Variants in RAD52 observed in about 807,000 individuals in gnomAD.
The protein encoded by RAD52 is RAD52 DNA repair protein, also known as DNA repair protein RAD52 homolog.
Under a neutral mutation model 55.5 loss-of-function variants are expected in RAD52, and 47 were observed. The ratio of observed to expected loss-of-function variants is 0.85; its 90% CI spans 0.67 to 1.08. RAD52 has a LOEUF of 1.08. Ranked by LOEUF, RAD52 falls within the 50% of genes least tolerant of loss-of-function variation. The pLI is 0.00. For synonymous variants in RAD52, 184 were observed against 198.9 expected (o/e 0.92, Z 0.63); for missense variants, 468 against 522.8 (o/e 0.90, Z 1.02).
Position 912,282 on chromosome 12 carries a change from C to G in RAD52, c.*1109G>C, listed in dbSNP as rs930369445. On this transcript the variant is annotated 3_prime_UTR_variant, in exon 12 of 12. Transcript: ENST00000358495. Reference sequence around the variant, plus strand: ...GACAAGTCGCAAAGCACCAGGCATACAACAGTTTATGCAGCGACCCTAAGA... The same window carrying G: ...GACAAGTCGCAAAGCACCAGGCATAGAACAGTTTATGCAGCGACCCTAAGA... The G allele has an allele frequency of 5.1e-6, 1 of 197,626 alleles. No individual in the cohort carries two copies. Among genetic ancestry groups the G allele is most frequent in the Non-Finnish European group, 1.0e-5 (1 of 95,464 alleles). 12.2% of individuals were successfully genotyped at this position (197,626 alleles called of 1,614,324 possible). A position where few individuals can be genotyped will look rare whatever the true frequency, so the allele number is the denominator to read the frequency against.
At chr12:956,933 T>A (rs1295899815) in intron 1 of RAD52, among the ~76,000 whole-genome samples, 2 of 152,224 alleles carry the variant, frequency 1.3e-5, no homozygotes, top group African/African-American at 4.8e-5. Flanking sequence ...ATTATAGTTA[T>A]TAGATGAGAT....
rs1374558030 is a variant in RAD52 at position 918,666 on chromosome 12, T to TC, written c.544-1847dup. 1.1e-4 allele frequency among the ~76,000 whole-genome samples: 16 copies of TC among 152,266 alleles called. No individual in the cohort carries two copies. In the East Asian group the frequency reaches 3.1e-3, roughly 29 times the overall value. Reference sequence around the variant, plus strand: ...CTCAAGCAATCCTTCTTCCTTGGCCTCTCAAGTGGTGGGATTACAGGAGTG... The same window carrying TC: ...CTCAAGCAATCCTTCTTCCTTGGCCTCCTCAAGTGGTGGGATTACAGGAGTG... On this transcript the variant is annotated intron_variant, in intron 7 of 11. Transcript: ENST00000358495.
intron 1 of RAD52, among the ~76,000 whole-genome samples, chr12:941,476 G>A (rs1180853532): frequency 6.6e-6 from 1 of 151,358 alleles, no homozygotes; most frequent in Non-Finnish European, 1.5e-5. Flanking sequence ...GCGCCACCAT[G>A]CCTGGCAAAT....
chr12:934,066 C>T (rs1327543079), intron 1 of RAD52, among the ~76,000 whole-genome samples: 1 of 148,582 alleles, frequency 6.7e-6, no homozygotes, highest in Admixed American at 6.8e-5. Context: ...CACCCCATCG[C>T]ACTCCAGCCT....
chr12:956,966 T>A (rs1958615509), intron 1 of RAD52, among the ~76,000 whole-genome samples: 1 of 152,202 alleles, frequency 6.6e-6, no homozygotes, highest in Admixed American at 6.5e-5. Flanking sequence ...ATATCTGACA[T>A]TTAATAGATG....
rs201059166 is a variant in RAD52, at chr12:962,274, A to G, written c.-19+27535T>C. On this transcript the variant is annotated intron_variant, in intron 1 of 11. Coordinates refer to the RAD52 transcript ENST00000430095. ...ATTCTAATAAGAGCAGTTTCCTGGA[A>G]GCATGAGTAGAATCGAGAGAATGCA... Among the ~76,000 whole-genome samples the G allele has an allele frequency of 4.1e-4, 62 of 152,262 alleles. No homozygotes were observed. In the East Asian group the frequency reaches 0.011, roughly 27 times the overall value.
At chr12:985,995 C>T (rs1959081518) in intron 1 of RAD52, among the ~76,000 whole-genome samples, 1 of 143,604 alleles carries the variant, frequency 7.0e-6, no homozygotes, top group South Asian at 2.2e-4. Flanking sequence ...AGTGCAATGG[C>T]GCAATCTCAG....
At chr12:946,855 C>T (rs1192021135) in intron 1 of RAD52, among the ~76,000 whole-genome samples, 3 of 152,212 alleles carry the variant, frequency 2.0e-5, no homozygotes, top group Non-Finnish European at 4.4e-5. Context: ...ATTTTTCATA[C>T]ACTCATCTCC....
chr12:922,203 A>AAATC (rs68130693), intron 7 of RAD52, among the ~76,000 whole-genome samples: 2 of 146,626 alleles, frequency 1.4e-5, no homozygotes, highest in Non-Finnish European at 3.0e-5. Context: ...AAAAAAAAAA[A>AAATC]AAAAAAAAAA....
intron 7 of RAD52, among the ~76,000 whole-genome samples, chr12:919,252 C>T (rs1258467855): frequency 6.6e-6 from 1 of 151,952 alleles, no homozygotes; most frequent in Non-Finnish European, 1.5e-5. Flanking sequence ...TTGAGATCAC[C>T]CTGGCCAACA....
chr12:984,542 G>A (rs762188106), intron 1 of RAD52, among the ~76,000 whole-genome samples: 1 of 151,638 alleles, frequency 6.6e-6, no homozygotes, highest in Non-Finnish European at 1.5e-5. Flanking sequence ...TCATATGAAT[G>A]TAATCATATA....
chr12:933,814 T>C (rs1047155096), intron 1 of RAD52, among the ~76,000 whole-genome samples: 1 of 152,164 alleles, frequency 6.6e-6, no homozygotes, highest in African/African-American at 2.4e-5. Flanking sequence ...GCCAACATGA[T>C]GTGTTATAGT....
At position 939,105 on chromosome 12, in the gene RAD52, A is replaced by G. The variant is rs148711132; in HGVS notation, c.-18-6029T>C. On this transcript the variant is annotated intron_variant, in intron 1 of 11. Coordinates refer to ENST00000358495, the MANE Select transcript of RAD52 (RefSeq NM_134424.4). ...GTGTGTAGAGAGAGAGAAAAAGGCA[A>G]GTAGATAAAGCAAAAGTACAAATTT... Among the ~76,000 whole-genome samples the G allele has an allele frequency of 5.0e-3, 609 of 121,052 alleles. 3 individuals carry two copies. The highest frequency in any genetic ancestry group is 8.9e-3 in the Middle Eastern group (2 of 224). The allele number at this position is 121,052 out of a possible 152,430, so 79.4% of individuals were successfully genotyped here. A position where few individuals can be genotyped will look rare whatever the true frequency, so the allele number is the denominator to read the frequency against.
chr12:959,942 T>C (rs1244347679), intron 1 of RAD52, among the ~76,000 whole-genome samples: 1 of 152,154 alleles, frequency 6.6e-6, no homozygotes, highest in Non-Finnish European at 1.5e-5. Context: ...ATTTTAACAC[T>C]GGGCACAGCA....
At chr12:954,136 G>T (rs558061717), upstream of RAD52, among the ~76,000 whole-genome samples, 3 of 152,200 alleles carry the variant, frequency 2.0e-5, no homozygotes, top group South Asian at 6.2e-4. Flanking sequence ...TGGTTTTCTG[G>T]TTTTTTAATT....
chr12:923,956 G>A (rs575955641), intron 7 of RAD52, among the ~76,000 whole-genome samples: 1 of 152,102 alleles, frequency 6.6e-6, no homozygotes, highest in African/African-American at 2.4e-5. Context: ...CGACTTGGGA[G>A]GCTGAGGCAG....
chr12:956,646 A>C (rs1442674966), intron 1 of RAD52, among the ~76,000 whole-genome samples: 1 of 152,166 alleles, frequency 6.6e-6, no homozygotes, highest in Non-Finnish European at 1.5e-5. Context: ...TCCCGGGCTC[A>C]AGCGATCTTC....
intron 1 of RAD52, among the ~76,000 whole-genome samples, chr12:985,569 TA>T (rs1202552375): frequency 6.6e-6 from 1 of 152,230 alleles, no homozygotes; most frequent in African/African-American, 2.4e-5. Context: ...GCTTTACACT[TA>T]GGTCTTTGAT....
chr12:947,678 G>C (rs1417500523), intron 1 of RAD52, among the ~76,000 whole-genome samples: 1 of 150,470 alleles, frequency 6.6e-6, no homozygotes, highest in African/African-American at 2.5e-5. Flanking sequence ...CCTGAGGTCA[G>C]GAGTTCGAGA....
Sources: gnomAD v4.1 joint callset for allele counts (sites outside exome capture counted in the v4.1 genomes callset) on GRCh38, gnomAD v4.1.1 for gene constraint, MANE v1.5 for transcripts, NCBI Gene and HGNC (gene_info 2026-07-23, HGNC 2026-07-21) for gene names.